The following CBL variants were observed in gnomAD, a reference collection of about 807,000 sequenced individuals.
The protein encoded by CBL is Cbl proto-oncogene, also known as E3 ubiquitin-protein ligase CBL.
CBL carries 45 observed loss-of-function variants against 96.9 expected under a neutral mutation model. The ratio of observed to expected loss-of-function variants is 0.46; its 90% CI spans 0.37 to 0.60. The LOEUF (loss-of-function observed/expected upper bound fraction) is 0.60, where lower values mean the gene tolerates loss of function less well. CBL is among the 20% of genes least tolerant of loss of function. The pLI, the probability that CBL is intolerant of heterozygous loss-of-function variation, is 0.00. For synonymous variants in CBL, 420 were observed against 426.8 expected, an observed-to-expected ratio of 0.98 and a Z score of 0.20; for missense variants, 1,024 against 1,143.5, an observed-to-expected ratio of 0.90 and a Z score of 1.51.
intron 12 of CBL, among the ~76,000 whole-genome samples, chr11:119,291,740 A>T (rs1950028163): frequency 6.6e-6 from 1 of 152,172 alleles, no homozygotes. Context: ...TAAAAAAATG[A>T]TAATGCTTAT....
rs113820527 is a variant in CBL at position 119,277,894 on chromosome 11, A to G, written c.1095+50A>G. The stretch of plus-strand genomic sequence containing the variant: ...CATATCACTGGACACAAGCTTTAGT[A>G]TATTCTTTATAGAACTGACAGCATA... On this transcript the variant is annotated intron_variant, in intron 7 of 15. Transcript: ENST00000264033. 5.8e-5 allele frequency: 71 copies of G among 1,227,248 alleles called. 1 individual carries two copies. The highest frequency in any genetic ancestry group is 4.9e-4 in the African/African-American group (33 of 67,354). 76.0% of individuals were successfully genotyped at this position (1,227,248 alleles called of 1,614,324 possible).
chr11:119,243,391 A>G (rs1194272300), intron 2 of CBL, among the ~76,000 whole-genome samples: 3 of 151,762 alleles, frequency 2.0e-5, no homozygotes, highest in African/African-American at 7.3e-5. Flanking sequence ...GTCTCAAGTG[A>G]TATGCCCGCT....
At chr11:119,211,724 G>C (rs1303553721) in intron 1 of CBL, among the ~76,000 whole-genome samples, 1 of 151,872 alleles carries the variant, frequency 6.6e-6, no homozygotes, top group Non-Finnish European at 1.5e-5. Context: ...GGCTGGTCTC[G>C]AACTCCTGAC....
At chr11:119,291,721 A>G (rs1458367877) in intron 12 of CBL, among the ~76,000 whole-genome samples, 1 of 152,160 alleles carries the variant, frequency 6.6e-6, no homozygotes, top group Admixed American at 6.5e-5. Context: ...AAATAAAAAT[A>G]TATATTTTTA....
chr11:119,232,753 A>T (rs989298348), intron 2 of CBL, 58 bp downstream of exon 2: 1 of 1,533,220 alleles, frequency 6.5e-7, no homozygotes, highest in South Asian at 1.1e-5. Flanking sequence ...TGAATGGGTA[A>T]CACATAGAAG....
intron 1 of CBL, among the ~76,000 whole-genome samples, chr11:119,208,206 G>C (rs909805249): frequency 1.3e-5 from 2 of 152,038 alleles, no homozygotes; most frequent in African/African-American, 2.4e-5. Flanking sequence ...AAATGCTAAA[G>C]TTTGTTAGTT....
intron 6 of CBL, among the ~76,000 whole-genome samples, chr11:119,277,201 C>A (rs906190155): frequency 6.8e-6 from 1 of 147,598 alleles, no homozygotes; most frequent in Non-Finnish European, 1.5e-5. Context: ...GAGCCAAGAT[C>A]ACTCACTGCA....
intron 1 of CBL, 36 bp from the exon 2 acceptor site, chr11:119,232,412 C>G (rs1179227704): frequency 6.2e-7 from 1 of 1,609,562 alleles, no homozygotes; most frequent in Non-Finnish European, 8.5e-7. Context: ...CCTTAAAATT[C>G]TCCAAGTAAT....
chr11:119,248,965 A>G (rs979953494), intron 2 of CBL, among the ~76,000 whole-genome samples: 8 of 152,220 alleles, frequency 5.3e-5, no homozygotes, highest in African/African-American at 1.9e-4. Context: ...ATATTATTTT[A>G]AGAATAAAAC....
chr11:119,243,705 C>T (rs1949604529), intron 2 of CBL, among the ~76,000 whole-genome samples: 1 of 151,730 alleles, frequency 6.6e-6, no homozygotes. Context: ...AAATTTTCTA[C>T]AATGAATATG....
intron 2 of CBL, among the ~76,000 whole-genome samples, chr11:119,233,893 A>G: frequency 6.6e-6 from 1 of 152,226 alleles, no homozygotes; most frequent in East Asian, 1.9e-4. Flanking sequence ...CTAGCTTTCA[A>G]TTAAAATTTT....
intron 2 of CBL, among the ~76,000 whole-genome samples, chr11:119,271,012 GGAA>G (rs1949844328): frequency 6.6e-6 from 1 of 152,336 alleles, no homozygotes; most frequent in South Asian, 2.1e-4. Flanking sequence ...TTTTGGTAAA[GGAA>G]GAGGAGTTTG....
At chr11:119,266,027 A>AAAAAAAAG (rs1222728913) in intron 2 of CBL, among the ~76,000 whole-genome samples, 1 of 150,716 alleles carries the variant, frequency 6.6e-6, no homozygotes, top group Non-Finnish European at 1.5e-5. Flanking sequence ...TCAAAAAAAA[A>AAAAAAAAG]AAAAAAAAGA....
chr11:119,290,929 C>T (rs1006067933), intron 12 of CBL, among the ~76,000 whole-genome samples: 2 of 152,064 alleles, frequency 1.3e-5, no homozygotes, highest in African/African-American at 4.8e-5. Context: ...CTGCCTGCCT[C>T]AGCCTCCCAA....
At chr11:119,221,098 G>A (rs1949405926) in intron 1 of CBL, among the ~76,000 whole-genome samples, 1 of 151,922 alleles carries the variant, frequency 6.6e-6, no homozygotes, top group Non-Finnish European at 1.5e-5. Context: ...ACAAAAATTA[G>A]CCGGGCGTGG....
intron 2 of CBL, among the ~76,000 whole-genome samples, chr11:119,267,759 G>A (rs1436239834): frequency 6.6e-6 from 1 of 152,190 alleles, no homozygotes; most frequent in Non-Finnish European, 1.5e-5. Context: ...TTTTCTGAAG[G>A]TATATTGATC....
chr11:119,283,832 T>C (rs1447649910), intron 9 of CBL, among the ~76,000 whole-genome samples: 3 of 151,332 alleles, frequency 2.0e-5, no homozygotes, highest in East Asian at 3.9e-4. Context: ...AGAGACGGGG[T>C]TTCACCGTGT....
rs370585788 is a variant in CBL, at chr11:119,265,820, C to T, written c.444-5915C>T. ...GGTGGATCACCTAAGGTTGGAAGTT[C>T]GAGACCAGCCTGACCAACATGGAGA... On this transcript the variant is annotated intron_variant, in intron 2 of 15. Coordinates refer to ENST00000264033, the MANE Select transcript of CBL (RefSeq NM_005188.4). 2.6e-5 allele frequency among the ~76,000 whole-genome samples: 4 copies of T among 152,046 alleles called. No individual in the cohort carries two copies. In the East Asian group the frequency reaches 7.7e-4, roughly 29 times the overall value.
intron 1 of CBL, among the ~76,000 whole-genome samples, chr11:119,231,143 C>T (rs1355377726): frequency 6.6e-6 from 1 of 152,124 alleles, no homozygotes; most frequent in African/African-American, 2.4e-5. Flanking sequence ...TGGCTCATGC[C>T]TGTAATCCCA....
Sources: gnomAD v4.1 joint callset for allele counts (sites outside exome capture counted in the v4.1 genomes callset) on GRCh38, gnomAD v4.1.1 for gene constraint, MANE v1.5 for transcripts, NCBI Gene and HGNC (gene_info 2026-07-23, HGNC 2026-07-21) for gene names.